Variants in RBFOX1 observed in about 807,000 individuals in gnomAD.
RBFOX1 encodes the protein RNA binding protein fox-1 homolog 1.
Under a neutral mutation model 57.7 loss-of-function variants are expected in RBFOX1, and 8 were observed. That is an observed-to-expected ratio of 0.14 (90% confidence interval 0.08 to 0.25). RBFOX1 has a LOEUF of 0.25. RBFOX1 is among the 10% of genes least tolerant of loss of function. The probability of loss-of-function intolerance (pLI) is 1.00; values close to 1 mark genes in which losing one functional copy is unlikely to be tolerated. For missense variants in RBFOX1, 611 were observed against 548.5 expected, an observed-to-expected ratio of 1.11 and a Z score of -1.14; for synonymous variants, 326 against 222.4, an observed-to-expected ratio of 1.47 and a Z score of -4.15.
intron 2 of RBFOX1, among the ~76,000 whole-genome samples, chr16:6,595,113 A>G (rs2097764103): frequency 6.6e-6 from 1 of 152,140 alleles, no homozygotes; most frequent in African/African-American, 2.4e-5. Context: ...GTATTCACAG[A>G]GCTGGGCAAT....
chr16:5,384,095 G>A (rs774430725), intron 1 of RBFOX1, among the ~76,000 whole-genome samples: 8 of 152,172 alleles, frequency 5.3e-5, no homozygotes, highest in African/African-American at 1.7e-4. Context: ...AGGCCACTCC[G>A]TCAGGAGTCT....
chr16:5,699,042 C>T (rs538335877), intron 3 of RBFOX1, among the ~76,000 whole-genome samples: 3 of 141,034 alleles, frequency 2.1e-5, no homozygotes, highest in East Asian at 4.1e-4. Context: ...GGCTGGAATG[C>T]GATGGCATGA....
At chr16:7,135,174 G>T (rs543487171) in intron 4 of RBFOX1, among the ~76,000 whole-genome samples, 44 of 152,064 alleles carry the variant, frequency 2.9e-4, no homozygotes, top group Non-Finnish European at 1.8e-4. Flanking sequence ...CTGTTACATT[G>T]TTCTGTTTCC....
chr16:5,518,166 A>G (rs1567184476), intron 2 of RBFOX1, among the ~76,000 whole-genome samples: 1 of 152,248 alleles, frequency 6.6e-6, no homozygotes, highest in Non-Finnish European at 1.5e-5. Context: ...AAAAACCAAT[A>G]AAATCCAAAT....
chr16:7,036,310 C>G (rs569191117), intron 3 of RBFOX1, among the ~76,000 whole-genome samples: 6 of 151,958 alleles, frequency 3.9e-5, no homozygotes, highest in South Asian at 4.2e-4. Flanking sequence ...CTAAAACTTT[C>G]AGAAGCAGTA....
chr16:6,267,496 T>C (rs1191429012), intron 1 of RBFOX1, among the ~76,000 whole-genome samples: 8 of 152,314 alleles, frequency 5.3e-5, no homozygotes, highest in Non-Finnish European at 1.5e-5. Context: ...CCAGTTGCAA[T>C]GGAATCCAGT....
intron 2 of RBFOX1, among the ~76,000 whole-genome samples, chr16:6,519,701 C>G (rs2153799163): frequency 6.6e-6 from 1 of 152,228 alleles, no homozygotes; most frequent in Middle Eastern, 3.4e-3. Context: ...AACTCTGTCT[C>G]AAAAAGATAA....
At chr16:7,209,807 G>C (rs1468584854) in intron 4 of RBFOX1, among the ~76,000 whole-genome samples, 1 of 152,136 alleles carries the variant, frequency 6.6e-6, no homozygotes, top group Non-Finnish European at 1.5e-5. Context: ...TGAATGAATG[G>C]ATGATGCAAT....
intron 3 of RBFOX1, among the ~76,000 whole-genome samples, chr16:6,677,322 G>A (rs7198190): frequency 0.029 from 4,467 of 152,186 alleles, 127 homozygotes; most frequent in African/African-American, 0.067. Flanking sequence ...AGGCCCTTTT[G>A]TAACACTGAA....
chr16:6,868,589 A>G (rs1480585795), intron 3 of RBFOX1, among the ~76,000 whole-genome samples: 7 of 151,970 alleles, frequency 4.6e-5, no homozygotes, highest in Non-Finnish European at 5.9e-5. Flanking sequence ...CTCCTGCTTT[A>G]GCGTCCTGAG....
At chr16:7,329,865 G>A (rs2096661686) in intron 4 of RBFOX1, among the ~76,000 whole-genome samples, 1 of 152,142 alleles carries the variant, frequency 6.6e-6, no homozygotes, top group Non-Finnish European at 1.5e-5. Flanking sequence ...TATCCTGTAT[G>A]TAATATATCT....
chr16:5,330,707 CTTTTTT>C (rs772757574), intron 1 of RBFOX1, among the ~76,000 whole-genome samples: 1 of 134,894 alleles, frequency 7.4e-6, no homozygotes, highest in African/African-American at 2.7e-5. Flanking sequence ...GCCCAGCCTA[CTTTTTT>C]TTTTTTTTTT....
intron 3 of RBFOX1, among the ~76,000 whole-genome samples, chr16:6,761,425 A>C (rs1463041799): frequency 6.6e-6 from 1 of 151,654 alleles, no homozygotes; most frequent in Non-Finnish European, 1.5e-5. Context: ...CATAAACTCA[A>C]GGTAACAGTT....
intron 3 of RBFOX1, among the ~76,000 whole-genome samples, chr16:5,698,453 T>C (rs2050916897): frequency 6.6e-6 from 1 of 152,218 alleles, no homozygotes; most frequent in Non-Finnish European, 1.5e-5. Context: ...GAGTCCATTT[T>C]GGTAATTTAA....
intron 4 of RBFOX1, among the ~76,000 whole-genome samples, chr16:7,176,257 A>G (rs1484423706): frequency 8.1e-6 from 1 of 123,086 alleles, no homozygotes; most frequent in Non-Finnish European, 1.7e-5. Context: ...ATAGGATTAC[A>G]TGAGATAATG....
intron 3 of RBFOX1, among the ~76,000 whole-genome samples, chr16:6,666,761 A>C (rs748213661): frequency 5.9e-5 from 9 of 152,126 alleles, no homozygotes; most frequent in Non-Finnish European, 1.3e-4. Flanking sequence ...AGTTATTGCA[A>C]CAAAACCCTC....
intron 4 of RBFOX1, among the ~76,000 whole-genome samples, chr16:5,954,861 A>G (rs1050775745): frequency 1.3e-5 from 2 of 152,018 alleles, no homozygotes; most frequent in African/African-American, 2.4e-5. Context: ...CCCAGGGTGG[A>G]CAGGTGGACT....
chr16:7,201,780 C>G (rs1017360037), intron 4 of RBFOX1, among the ~76,000 whole-genome samples: 3 of 152,120 alleles, frequency 2.0e-5, no homozygotes, highest in African/African-American at 7.2e-5. Flanking sequence ...TTCTTATTTA[C>G]AAAGCTTACC....
chr16:7,653,417 G>A (rs2065528597), intron 11 of RBFOX1, among the ~76,000 whole-genome samples: 1 of 152,148 alleles, frequency 6.6e-6, no homozygotes, highest in Admixed American at 6.5e-5. Context: ...GAGGTAGGAG[G>A]ATCACTTGAG....
Sources: allele counts gnomAD v4.1 joint callset (sites outside exome capture counted in the v4.1 genomes callset), GRCh38; gene constraint gnomAD v4.1.1; transcripts MANE v1.5; gene names NCBI Gene and HGNC (gene_info 2026-07-23, HGNC 2026-07-21).